The following SPAG16 variants were observed in gnomAD, a reference collection of about 807,000 sequenced individuals.
The protein encoded by SPAG16 is sperm associated antigen 16.
SPAG16 carries 86 observed loss-of-function variants against 80.4 expected under a neutral mutation model. The observed-to-expected ratio is 1.07, with a 90% CI of 0.90 to 1.28. The LOEUF (loss-of-function observed/expected upper bound fraction) is 1.28, where lower values mean the gene tolerates loss of function less well. Among genes scored for constraint, SPAG16 ranks in the 50% most tolerant of loss-of-function variants. The pLI is 0.00. For missense variants in SPAG16, 870 were observed against 765.3 expected, an observed-to-expected ratio of 1.14 and a Z score of -1.61; for synonymous variants, 294 against 265.9, an observed-to-expected ratio of 1.11 and a Z score of -1.03.
At chr2:213,745,292 G>T (rs1049253210) in intron 10 of SPAG16, among the ~76,000 whole-genome samples, 3 of 152,148 alleles carry the variant, frequency 2.0e-5, no homozygotes, top group African/African-American at 7.2e-5. Context: ...GCCCAGGCTG[G>T]AGCGCAATGG....
chr2:214,149,146 A>G lies in SPAG16; in HGVS notation c.1600A>G (p.Met534Val), dbSNP rs746581458. Residue 534 changes from methionine (M) to valine (V), a missense_variant, in exon 15 of 16, where the codon ATG becomes GTG. Transcript: ENST00000331683. ...TTTATCTTATATTTTGAAGGGTCAC[A>G]TGATAGCATCCTGTGATGCCTGTGG... is the stretch of plus-strand genomic sequence containing the variant. ...NDAIFDPRGHMIASCDACGVT... is the reference protein window; with the variant it reads ...NDAIFDPRGHVIASCDACGVT... 2.3e-5 allele frequency: 36 copies of G among 1,562,798 alleles called. No homozygotes were observed. The Admixed American group carries it at 6.4e-4, about 28-fold the overall frequency.
chr2:213,585,731 C>T (rs2060449490), intron 10 of SPAG16, among the ~76,000 whole-genome samples: 1 of 152,116 alleles, frequency 6.6e-6, no homozygotes, highest in African/African-American at 2.4e-5. Flanking sequence ...AGTTCTTATT[C>T]TTGGAGAGGT....
chr2:213,710,035 G>A (rs568599255), intron 10 of SPAG16, among the ~76,000 whole-genome samples: 1 of 152,264 alleles, frequency 6.6e-6, no homozygotes, highest in African/African-American at 2.4e-5. Context: ...TTAGAAGGCC[G>A]AGGTGGGCGG....
chr2:213,397,427 G>A (rs1403241783), intron 9 of SPAG16, among the ~76,000 whole-genome samples: 3 of 152,130 alleles, frequency 2.0e-5, no homozygotes, highest in South Asian at 2.1e-4. Flanking sequence ...ATACCCTTCC[G>A]TGAATCTCAT....
rs201804402 is a variant in SPAG16, at chr2:213,980,714, A to G, written c.1401-33237A>G. On this transcript the variant is annotated intron_variant, in intron 12 of 15. Transcript: ENST00000331683. ...AGAATATATGTGTGTGTGTGTGTGT[A>G]TATATATATATAGAGAGAGAGAGAG... Among the ~76,000 whole-genome samples, 213 of 98,392 alleles carry G rather than the reference A, an allele frequency of 2.2e-3. 2 individuals are homozygous for G. The highest frequency in any genetic ancestry group is 4.4e-3 in the Middle Eastern group (1 of 228). 64.5% of individuals were successfully genotyped at this position (98,392 alleles called of 152,430 possible).
intron 9 of SPAG16, among the ~76,000 whole-genome samples, chr2:213,423,940 C>G (rs1379129814): frequency 6.6e-6 from 1 of 152,138 alleles, no homozygotes; most frequent in Non-Finnish European, 1.5e-5. Flanking sequence ...CTTATTTTTA[C>G]AGAGCATTTC....
chr2:213,414,183 C>T (rs1239622673), intron 9 of SPAG16, among the ~76,000 whole-genome samples: 7 of 152,134 alleles, frequency 4.6e-5, no homozygotes, highest in African/African-American at 9.7e-5. Context: ...AACATAGACC[C>T]CTCAATTAAC....
intron 10 of SPAG16, among the ~76,000 whole-genome samples, chr2:213,674,587 A>G (rs1325125839): frequency 6.9e-6 from 1 of 145,554 alleles, no homozygotes; most frequent in African/African-American, 2.7e-5. Flanking sequence ...TTCTGTGTCC[A>G]TGTGTTCTCA....
intron 15 of SPAG16, among the ~76,000 whole-genome samples, chr2:214,193,441 G>C (rs1160248256): frequency 6.6e-6 from 1 of 151,182 alleles, no homozygotes; most frequent in East Asian, 2.0e-4. Flanking sequence ...GAGAGAGAGA[G>C]AGAGAGAGAG....
intron 11 of SPAG16, among the ~76,000 whole-genome samples, chr2:213,914,924 A>C (rs1259616540): frequency 3.3e-5 from 5 of 152,166 alleles, no homozygotes; most frequent in Non-Finnish European, 5.9e-5. Flanking sequence ...ATTTTGTCCT[A>C]TTCTGTAGTG....
chr2:214,235,511 A>G (rs180903253), intron 15 of SPAG16, among the ~76,000 whole-genome samples: 1 of 152,274 alleles, frequency 6.6e-6, no homozygotes, highest in East Asian at 1.9e-4. Flanking sequence ...GATGTCTTCC[A>G]CTAAACACCT....
intron 14 of SPAG16, among the ~76,000 whole-genome samples, chr2:214,121,287 C>T (rs1037589506): frequency 1.3e-5 from 2 of 151,756 alleles, no homozygotes; most frequent in Admixed American, 1.3e-4. Flanking sequence ...ATCATTAGAT[C>T]TTATTTATTT....
intron 14 of SPAG16, among the ~76,000 whole-genome samples, chr2:214,114,336 G>T (rs1239570087): frequency 6.6e-6 from 1 of 152,246 alleles, no homozygotes; most frequent in African/African-American, 2.4e-5. Flanking sequence ...CAAATGCTGT[G>T]CTGGGACAAC....
At chr2:213,732,708 G>T (rs902665167) in intron 10 of SPAG16, among the ~76,000 whole-genome samples, 3 of 152,150 alleles carry the variant, frequency 2.0e-5, no homozygotes, top group Non-Finnish European at 4.4e-5. Context: ...CATGAGCATG[G>T]AATAATGTTT....
chr2:213,375,382 C>T (rs2066836792), intron 9 of SPAG16, among the ~76,000 whole-genome samples: 1 of 151,972 alleles, frequency 6.6e-6, no homozygotes, highest in Admixed American at 6.6e-5. Context: ...CATGTCTGCT[C>T]ACCTGCTAAC....
At chr2:214,335,571 T>C (rs1164773389) in intron 15 of SPAG16, among the ~76,000 whole-genome samples, 1 of 151,858 alleles carries the variant, frequency 6.6e-6, no homozygotes, top group Non-Finnish European at 1.5e-5. Flanking sequence ...CTGACGATGC[T>C]GATGTGTGTA....
intron 10 of SPAG16, among the ~76,000 whole-genome samples, chr2:213,782,028 T>C (rs1305411926): frequency 6.6e-6 from 1 of 152,180 alleles, no homozygotes; most frequent in Admixed American, 6.5e-5. Flanking sequence ...GTCAAATTGA[T>C]GGAAACCTTC....
chr2:214,356,309 A>C (rs1008117977), intron 15 of SPAG16, among the ~76,000 whole-genome samples: 8 of 152,008 alleles, frequency 5.3e-5, no homozygotes, highest in Non-Finnish European at 1.2e-4. Flanking sequence ...TCAATGTCAG[A>C]AATTGTGGGG....
Position 213,862,538 on chromosome 2 carries a change from T to A in SPAG16, c.1124T>A (p.Leu375His), listed in dbSNP as rs1427947719. 6.2e-7 allele frequency: 1 copy of A among 1,614,080 alleles called. No homozygotes were observed. Among genetic ancestry groups the A allele is most frequent in the Non-Finnish European group, 8.5e-7 (1 of 1,180,022 alleles). ...DILVSCGEDRLWKVLGLPKCN... is the reference protein window; with the variant it reads ...DILVSCGEDRHWKVLGLPKCN... ...CTAGTCTCCTGTGGCGAGGACCGAC[T>A]CTGGAAGGTGTTGGGCCTTCCAAAA... The change falls in exon 11 of 16, where the codon CTC (leucine) becomes CAC (histidine). Residue 375 changes from leucine (L) to histidine (H), a missense_variant. By Grantham distance (99) the Leu-to-His change is moderately conservative (BLOSUM62 -3). Coordinates refer to ENST00000331683, the MANE Select transcript of SPAG16 (RefSeq NM_024532.5).
Sources: allele counts gnomAD v4.1 joint callset (sites outside exome capture counted in the v4.1 genomes callset), GRCh38; gene constraint gnomAD v4.1.1; transcripts MANE v1.5; gene names NCBI Gene and HGNC (gene_info 2026-07-23, HGNC 2026-07-21).